ACOXL: variants seen among roughly 807,000 people sequenced by gnomAD.
The protein encoded by ACOXL is acyl-CoA oxidase like.
ACOXL carries 70 observed loss-of-function variants against 71.9 expected under a neutral mutation model. The observed-to-expected ratio is 0.97, with a 90% CI of 0.80 to 1.19. ACOXL has a LOEUF of 1.19. Among genes scored for constraint, ACOXL ranks in the 50% most tolerant of loss-of-function variants. The pLI is 0.00. For missense variants in ACOXL, 703 were observed against 736.3 expected (o/e 0.95, Z 0.52); for synonymous variants, 253 against 281.6 (o/e 0.90, Z 1.02).
intron 16 of ACOXL, among the ~76,000 whole-genome samples, chr2:111,061,995 A>G (rs2066841655): frequency 1.3e-5 from 2 of 151,976 alleles, no homozygotes; most frequent in South Asian, 4.1e-4. Context: ...TTAATATATT[A>G]ATAATTATAT....
chr2:110,948,594 T>G (rs534597000), intron 12 of ACOXL, among the ~76,000 whole-genome samples: 4 of 151,644 alleles, frequency 2.6e-5, no homozygotes, highest in African/African-American at 9.7e-5. Flanking sequence ...TCCTGCTTGT[T>G]CCATGTGGCT....
chr2:110,852,572 A>G (rs1214997152), intron 10 of ACOXL, among the ~76,000 whole-genome samples: 3 of 152,200 alleles, frequency 2.0e-5, no homozygotes, highest in Non-Finnish European at 4.4e-5. Flanking sequence ...TATGAATCAC[A>G]TTTTGGCCTC....
intron 12 of ACOXL, among the ~76,000 whole-genome samples, chr2:110,962,477 G>A (rs1426812271): frequency 1.3e-5 from 2 of 152,236 alleles, no homozygotes; most frequent in Non-Finnish European, 2.9e-5. Context: ...TCTGTAAACT[G>A]CAGGTGGTAA....
At chr2:110,894,232 A>C (rs1205471284) in intron 10 of ACOXL, among the ~76,000 whole-genome samples, 1 of 152,084 alleles carries the variant, frequency 6.6e-6, no homozygotes, top group South Asian at 2.1e-4. Flanking sequence ...TGGAGACAAG[A>C]ATGATGCAAT....
intron 14 of ACOXL, among the ~76,000 whole-genome samples, chr2:111,023,580 C>G (rs2064879067): frequency 6.6e-6 from 1 of 151,984 alleles, no homozygotes; most frequent in Non-Finnish European, 1.5e-5. Flanking sequence ...AGAAGGGGCC[C>G]CATGGGAAAT....
intron 1 of ACOXL, among the ~76,000 whole-genome samples, chr2:110,745,423 G>T (rs192293366): frequency 1.3e-5 from 2 of 152,326 alleles, no homozygotes; most frequent in African/African-American, 4.8e-5. Flanking sequence ...CCAGAAGGTG[G>T]GGGGTCAACA....
intron 11 of ACOXL, among the ~76,000 whole-genome samples, chr2:110,922,351 C>T (rs993216860): frequency 5.9e-5 from 9 of 152,190 alleles, no homozygotes; most frequent in South Asian, 2.1e-4. Context: ...ATGATGAAAC[C>T]GGAAAATTTT....
intron 12 of ACOXL, among the ~76,000 whole-genome samples, chr2:110,962,832 A>G (rs2061753582): frequency 6.6e-6 from 1 of 152,262 alleles, no homozygotes; most frequent in African/African-American, 2.4e-5. Flanking sequence ...CGTGACTGAC[A>G]CAGGCAGAAG....
intron 9 of ACOXL, among the ~76,000 whole-genome samples, chr2:110,820,710 G>T (rs942201591): frequency 2.0e-5 from 3 of 152,174 alleles, no homozygotes; most frequent in African/African-American, 7.2e-5. Context: ...ATTTGTATTT[G>T]TGGCAGTGCC....
rs529925152 is a variant in ACOXL, at chr2:110,823,113, C to T, written c.753+17718C>T. ...ACTAAAAATACAAAAATTAGCTGGG[C>T]GTGGTGGCATGCACCTGTAATCCCA... On this transcript the variant is annotated intron_variant, in intron 9 of 17. Coordinates refer to ENST00000439055, the MANE Select transcript of ACOXL (RefSeq NM_001142807.4). Among the ~76,000 whole-genome samples the T allele has an allele frequency of 1.2e-3, 186 of 152,086 alleles. 2 individuals are homozygous for T. Among genetic ancestry groups the T allele is most frequent in the African/African-American group, 4.0e-3 (167 of 41,478 alleles).
chr2:110,933,984 A>G (rs1158031047), intron 12 of ACOXL, among the ~76,000 whole-genome samples: 1 of 152,162 alleles, frequency 6.6e-6, no homozygotes, highest in Non-Finnish European at 1.5e-5. Context: ...CCCTTGGGAG[A>G]ACACAGGAAA....
intron 16 of ACOXL, among the ~76,000 whole-genome samples, chr2:111,065,036 A>T (rs965110276): frequency 3.3e-5 from 5 of 152,252 alleles, no homozygotes; most frequent in Admixed American, 2.0e-4. Flanking sequence ...AGGCAAAGGA[A>T]CTAGAATAGC....
chr2:111,074,351 A>G (rs2149943355), intron 16 of ACOXL, among the ~76,000 whole-genome samples: 1 of 152,192 alleles, frequency 6.6e-6, no homozygotes, highest in South Asian at 2.1e-4. Context: ...TCTTAGGCAG[A>G]AAGTGTTCAG....
intron 2 of ACOXL, among the ~76,000 whole-genome samples, chr2:110,769,582 T>C (rs1681607467): frequency 6.6e-6 from 1 of 150,436 alleles, no homozygotes; most frequent in Non-Finnish European, 1.5e-5. Flanking sequence ...AGGCCAGGAG[T>C]TTGAGACCAG....
At chr2:110,833,922 A>T (rs1486529577) in intron 9 of ACOXL, among the ~76,000 whole-genome samples, 2 of 151,502 alleles carry the variant, frequency 1.3e-5, no homozygotes, top group Non-Finnish European at 1.5e-5. Flanking sequence ...TTGGGTTTTG[A>T]CTCTTGACTG....
intron 10 of ACOXL, among the ~76,000 whole-genome samples, chr2:110,883,016 CA>C (rs952699567): frequency 3.4e-4 from 52 of 152,162 alleles, no homozygotes; most frequent in African/African-American, 1.2e-3. Flanking sequence ...GCCTTTTCCA[CA>C]ACAACTTTGT....
chr2:111,023,110 C>T (rs763988018), intron 14 of ACOXL, among the ~76,000 whole-genome samples: 2 of 152,156 alleles, frequency 1.3e-5, no homozygotes, highest in Non-Finnish European at 2.9e-5. Context: ...TGATGTGTGT[C>T]GCAAAAGCTG....
At chr2:111,108,510 C>T (rs1223765987) in intron 17 of ACOXL, among the ~76,000 whole-genome samples, 1 of 151,252 alleles carries the variant, frequency 6.6e-6, no homozygotes, top group African/African-American at 2.4e-5. Flanking sequence ...TCCCAAGTAG[C>T]GAGGATTACA....
chr2:110,842,848 T>C (rs575330746), intron 10 of ACOXL, among the ~76,000 whole-genome samples: 1 of 152,056 alleles, frequency 6.6e-6, no homozygotes, highest in Non-Finnish European at 1.5e-5. Flanking sequence ...CGTTTTTTAG[T>C]GTATTGTGTC....
Sources: allele counts gnomAD v4.1 joint callset (sites outside exome capture counted in the v4.1 genomes callset), GRCh38; gene constraint gnomAD v4.1.1; transcripts MANE v1.5; gene names NCBI Gene and HGNC (gene_info 2026-07-23, HGNC 2026-07-21).